Variants in MAP4K3 observed in about 807,000 individuals in gnomAD.
The protein encoded by MAP4K3 is mitogen-activated protein kinase kinase kinase kinase 3.
In MAP4K3, 94 loss-of-function variants were observed where a neutral mutation model predicts 143.5. That is an observed-to-expected ratio of 0.65 (90% CI 0.55 to 0.78). The LOEUF is 0.78. MAP4K3 is among the 30% of genes least tolerant of loss of function. The pLI is 0.00. For missense variants in MAP4K3, 1,077 were observed against 1,068.1 expected (o/e 1.01, Z -0.12); for synonymous variants, 416 against 347.2 (o/e 1.20, Z -2.20).
chr2:39,381,695 G>A (rs1040954754), intron 1 of MAP4K3, among the ~76,000 whole-genome samples: 1 of 152,010 alleles, frequency 6.6e-6, no homozygotes, highest in African/African-American at 2.4e-5. Context: ...TTTTGCCTAT[G>A]GATATGAAAT....
chr2:39,303,442 A>C (rs1226466265), intron 15 of MAP4K3, among the ~76,000 whole-genome samples: 5 of 152,150 alleles, frequency 3.3e-5, no homozygotes, highest in African/African-American at 1.2e-4. Flanking sequence ...CTCGGAAATG[A>C]ATATTGGCAG....
intron 2 of MAP4K3, among the ~76,000 whole-genome samples, chr2:39,373,504 C>T (rs748032438): frequency 6.6e-6 from 1 of 152,182 alleles, no homozygotes; most frequent in Non-Finnish European, 1.5e-5. Context: ...TACTGCAGCA[C>T]TATTCACAAT....
chr2:39,402,931 G>A (rs1306789961), intron 1 of MAP4K3, among the ~76,000 whole-genome samples: 1 of 151,960 alleles, frequency 6.6e-6, no homozygotes, highest in East Asian at 1.9e-4. Flanking sequence ...ATAATTTTAT[G>A]CCATTAAATT....
chr2:39,391,108 C>A (rs1666640454), intron 1 of MAP4K3, among the ~76,000 whole-genome samples: 1 of 152,032 alleles, frequency 6.6e-6, no homozygotes, highest in Non-Finnish European at 1.5e-5. Context: ...GTAATCCCAG[C>A]ACTTTGGGAG....
chr2:39,280,508 ATCATCATAG>A, intron 22 of MAP4K3, 152 bp from the exon 23 acceptor site: 2 of 420,714 alleles, frequency 4.8e-6, no homozygotes, highest in Non-Finnish European at 8.5e-6. Flanking sequence ...AGTGTAAGAA[ATCATCATAG>A]TCATTTGCCT....
At chr2:39,303,830 C>A (rs1030013761) in intron 15 of MAP4K3, among the ~76,000 whole-genome samples, 1 of 152,208 alleles carries the variant, frequency 6.6e-6, no homozygotes, top group African/African-American at 2.4e-5. Context: ...AGCTACCACG[C>A]CGGGTCAACA....
rs34783806 is a variant in MAP4K3 at position 39,429,064 on chromosome 2, CAA to C, written c.96+7826_96+7827del. ...TGGGCGACAGAGCGAGACTCCGTCTCAAAAAAAAAAAAAAAAAAAAAAAAAGG... is the reference window on the plus strand; with the variant it reads ...TGGGCGACAGAGCGAGACTCCGTCTCAAAAAAAAAAAAAAAAAAAAAAAGG... On this transcript the variant is annotated intron_variant, in intron 1 of 33. Coordinates refer to ENST00000263881, the MANE Select transcript of MAP4K3 (RefSeq NM_003618.4). Among the ~76,000 whole-genome samples the C allele has an allele frequency of 2.0e-3, 122 of 60,088 alleles. No individual in the cohort carries two copies. The East Asian group carries it at 0.031, about 15-fold the overall frequency. 39.4% of individuals were successfully genotyped at this position (60,088 alleles called of 152,430 possible). A position where few individuals can be genotyped will look rare whatever the true frequency, so the allele number is the denominator to read the frequency against.
chr2:39,373,882 G>A (rs1223717346), intron 2 of MAP4K3, among the ~76,000 whole-genome samples: 1 of 152,086 alleles, frequency 6.6e-6, no homozygotes, highest in African/African-American at 2.4e-5. Context: ...CCTAGTATTT[G>A]CAAGCACAAC....
chr2:39,270,001 TA>T (rs944250819), intron 26 of MAP4K3, among the ~76,000 whole-genome samples: 1 of 151,970 alleles, frequency 6.6e-6, no homozygotes, highest in South Asian at 2.1e-4. Flanking sequence ...TTTTTAGAGT[TA>T]AAAAAAATCT....
At chr2:39,385,260 C>T (rs910757269) in intron 1 of MAP4K3, among the ~76,000 whole-genome samples, 1 of 152,002 alleles carries the variant, frequency 6.6e-6, no homozygotes, top group African/African-American at 2.4e-5. Context: ...AGAAATTGCC[C>T]AACTTTCCAG....
chr2:39,290,012 G>T (rs558495395), intron 19 of MAP4K3, among the ~76,000 whole-genome samples: 1 of 149,876 alleles, frequency 6.7e-6, no homozygotes, highest in East Asian at 2.0e-4. Context: ...GCTTGAACCC[G>T]AGAGGAGGAG....
At chr2:39,254,600 T>C in intron 31 of MAP4K3, 80 bp from the exon 32 acceptor site, 2 of 964,200 alleles carry the variant, frequency 2.1e-6, no homozygotes, top group East Asian at 2.4e-5. Flanking sequence ...CTCTATCTCA[T>C]ACAGCAATAT....
chr2:39,384,663 C>T (rs764550100), intron 1 of MAP4K3, among the ~76,000 whole-genome samples: 1 of 152,164 alleles, frequency 6.6e-6, no homozygotes, highest in Non-Finnish European at 1.5e-5. Context: ...ACCACATGTG[C>T]CTATTGATCA....
intron 24 of MAP4K3, among the ~76,000 whole-genome samples, chr2:39,277,489 T>C (rs769108475): frequency 6.6e-6 from 1 of 152,214 alleles, no homozygotes; most frequent in Non-Finnish European, 1.5e-5. Context: ...GTTTTCCCTA[T>C]TAGATCATGA....
At chr2:39,433,075 T>C (rs1665343575) in intron 1 of MAP4K3, among the ~76,000 whole-genome samples, 1 of 152,242 alleles carries the variant, frequency 6.6e-6, no homozygotes, top group African/African-American at 2.4e-5. Context: ...ATAGGACTTC[T>C]CAGTCTTTAA....
intron 3 of MAP4K3, 27 bp from the exon 4 acceptor site, chr2:39,343,479 A>G: frequency 1.3e-6 from 2 of 1,596,254 alleles, no homozygotes; most frequent in South Asian, 1.1e-5. Flanking sequence ...AGCATGTATC[A>G]TATTTTCATG....
At chr2:39,328,120 C>T (rs569967750) in intron 8 of MAP4K3, among the ~76,000 whole-genome samples, 1 of 152,278 alleles carries the variant, frequency 6.6e-6, no homozygotes, top group East Asian at 1.9e-4. Flanking sequence ...GGTTTGAGCT[C>T]AGGAGTTTGA....
intron 20 of MAP4K3, 125 bp downstream of exon 20, chr2:39,287,996 C>T (rs1239333603): frequency 8.7e-7 from 1 of 1,144,204 alleles, no homozygotes; most frequent in Non-Finnish European, 1.3e-6. Context: ...AAAACATCTC[C>T]ATAGCCACTG....
At chr2:39,393,109 C>T (rs1666712424) in intron 1 of MAP4K3, among the ~76,000 whole-genome samples, 1 of 152,190 alleles carries the variant, frequency 6.6e-6, no homozygotes, top group Non-Finnish European at 1.5e-5. Flanking sequence ...TTCTTACTGA[C>T]TGTGTGTACA....
Sources: allele counts gnomAD v4.1 joint callset (sites outside exome capture counted in the v4.1 genomes callset), GRCh38; gene constraint gnomAD v4.1.1; transcripts MANE v1.5; gene names NCBI Gene and HGNC (gene_info 2026-07-23, HGNC 2026-07-21).